The following KPNA3 variants were observed in gnomAD, a reference collection of about 807,000 sequenced individuals.
KPNA3 encodes karyopherin subunit alpha 3.
In KPNA3, 13 loss-of-function variants were observed where a neutral mutation model predicts 73.8. The observed-to-expected ratio is 0.18, with a 90% CI of 0.11 to 0.28. The LOEUF (loss-of-function observed/expected upper bound fraction) is 0.28. Among genes scored for constraint, KPNA3 ranks in the 10% least tolerant of loss-of-function variants. The pLI is 1.00. For missense variants in KPNA3, 360 were observed against 618.1 expected, an observed-to-expected ratio of 0.58 and a Z score of 4.43; for synonymous variants, 186 against 206.9, an observed-to-expected ratio of 0.90 and a Z score of 0.87.
At chr13:49,706,041 A>G (rs1954204609) in intron 14 of KPNA3, 57 bp downstream of exon 14, 1 of 1,442,524 alleles carries the variant, frequency 6.9e-7, no homozygotes, top group Non-Finnish European at 9.6e-7. Context: ...GAAACATAAG[A>G]GAGCAGCATG....
rs149177309 is a variant in KPNA3, at chr13:49,708,115, C to T, written c.1032+1457G>A. Among the ~76,000 whole-genome samples, 765 of 152,060 alleles carry T rather than the reference C, an allele frequency of 5.0e-3. 32 individuals are homozygous for T. In the East Asian group the frequency reaches 0.11, roughly 22 times the overall value. ...GGTTCATGCCATTCTCCTGCCTCAGCCTCCTGAGTAGTTGGGACTACAGGC... is the reference window on the plus strand; with the variant it reads ...GGTTCATGCCATTCTCCTGCCTCAGTCTCCTGAGTAGTTGGGACTACAGGC... On this transcript the variant is annotated intron_variant, in intron 12 of 16. Coordinates refer to ENST00000261667, the MANE Select transcript of KPNA3 (RefSeq NM_002267.4).
At chr13:49,786,500 T>G (rs757407791) in intron 1 of KPNA3, among the ~76,000 whole-genome samples, 7 of 152,170 alleles carry the variant, frequency 4.6e-5, no homozygotes, top group Non-Finnish European at 8.8e-5. Context: ...AAGTTTTTTT[T>G]TGTTTTTGGT....
intron 8 of KPNA3, 108 bp from the exon 9 acceptor site, chr13:49,722,232 C>T (rs1016482005): frequency 3.3e-5 from 27 of 825,402 alleles, no homozygotes; most frequent in Non-Finnish European, 4.9e-5. Context: ...GTTTCCTCAC[C>T]ATTAGTCAAA....
chr13:49,779,655 C>T (rs9535339), intron 1 of KPNA3, among the ~76,000 whole-genome samples: 36,403 of 152,016 alleles, frequency 0.24, 5,208 homozygotes, highest in Non-Finnish European at 0.32. Flanking sequence ...AAAAAACAAA[C>T]GAACAGCCTT....
chr13:49,734,771 A>C (rs1954504020), intron 2 of KPNA3, among the ~76,000 whole-genome samples: 2 of 152,302 alleles, frequency 1.3e-5, no homozygotes, highest in East Asian at 3.9e-4. Flanking sequence ...TGTGTCTATT[A>C]GTTAAAATTT....
intron 1 of KPNA3, among the ~76,000 whole-genome samples, chr13:49,749,307 A>G (rs1452235494): frequency 2.0e-5 from 3 of 152,254 alleles, no homozygotes; most frequent in Non-Finnish European, 4.4e-5. Context: ...TGCTTCGAAT[A>G]TGAACATCTC....
chr13:49,792,544 T>TGCGGCGGCGGCG lies in KPNA3; in HGVS notation c.-50_-39dup, dbSNP rs377544239. ...CTCCGGCGGCGGCTACTCCTGCGGCTGCGGCGGCGGCGGCGGCGAATCTTG... is the reference window on the plus strand; with the variant it reads ...CTCCGGCGGCGGCTACTCCTGCGGCTGCGGCGGCGGCGGCGGCGGCGGCGGCGGCGAATCTTG... On this transcript the variant is annotated 5_prime_UTR_variant, in exon 1 of 17. Transcript: ENST00000261667. 9 of 1,288,890 alleles carry TGCGGCGGCGGCG rather than the reference T, an allele frequency of 7.0e-6. No individual in the cohort carries two copies. Among genetic ancestry groups the TGCGGCGGCGGCG allele is most frequent in the East Asian group, 6.8e-5 (2 of 29,498 alleles). 79.8% of individuals were successfully genotyped at this position (1,288,890 alleles called of 1,614,324 possible). A position where few individuals can be genotyped will look rare whatever the true frequency, so the allele number is the denominator to read the frequency against.
At chr13:49,722,628 A>G (rs1954370299) in intron 7 of KPNA3, 65 bp from the exon 8 acceptor site, 1 of 995,172 alleles carries the variant, frequency 1.0e-6, no homozygotes, top group Non-Finnish European at 1.5e-6. Flanking sequence ...ATTTCAGATC[A>G]AAGAAATTGA....
chr13:49,701,961 A>G, intron 16 of KPNA3, 63 bp from the exon 17 acceptor site: 1 of 1,108,232 alleles, frequency 9.0e-7, no homozygotes, highest in Non-Finnish European at 1.3e-6. Context: ...ATGTAAGTGG[A>G]ATTGACTTTT....
intron 6 of KPNA3, among the ~76,000 whole-genome samples, chr13:49,729,901 T>C (rs929456452): frequency 1.3e-5 from 2 of 152,254 alleles, no homozygotes; most frequent in African/African-American, 4.8e-5. Context: ...ATAGATGAGA[T>C]AGCTGAGGTT....
At chr13:49,781,945 T>G (rs1262770706) in intron 1 of KPNA3, among the ~76,000 whole-genome samples, 1 of 152,210 alleles carries the variant, frequency 6.6e-6, no homozygotes, top group Non-Finnish European at 1.5e-5. Context: ...GAATCAAGCC[T>G]ACGAAAGCAA....
intron 7 of KPNA3, 129 bp downstream of exon 7, chr13:49,725,287 G>C: frequency 2.2e-6 from 1 of 454,676 alleles, no homozygotes; most frequent in Non-Finnish European, 3.9e-6. Flanking sequence ...AAAGATATCG[G>C]TCATCAAAAG....
intron 2 of KPNA3, among the ~76,000 whole-genome samples, chr13:49,741,506 T>G (rs1446011253): frequency 1.3e-5 from 2 of 150,840 alleles, no homozygotes; most frequent in Non-Finnish European, 1.5e-5. Flanking sequence ...CAGGCTGGAG[T>G]GCAGTGGCGT....
chr13:49,712,143 A>G (rs1954265536), intron 10 of KPNA3, among the ~76,000 whole-genome samples: 1 of 152,170 alleles, frequency 6.6e-6, no homozygotes, highest in Non-Finnish European at 1.5e-5. Flanking sequence ...CCACCCTGGC[A>G]GTAACAGTAA....
chr13:49,751,674 C>T (rs1203366450), intron 1 of KPNA3, among the ~76,000 whole-genome samples: 2 of 152,082 alleles, frequency 1.3e-5, no homozygotes, highest in Admixed American at 1.3e-4. Context: ...TTTGGGAGGC[C>T]GAGGCGGGAG....
At chr13:49,786,054 A>AT (rs534459582) in intron 1 of KPNA3, among the ~76,000 whole-genome samples, 229 of 152,284 alleles carry the variant, frequency 1.5e-3, no homozygotes, top group African/African-American at 4.7e-3. Flanking sequence ...TTGCCTTAAC[A>AT]TTTTTTTATT....
chr13:49,730,951 T>TA (rs1283193068), intron 6 of KPNA3, among the ~76,000 whole-genome samples: 1 of 149,294 alleles, frequency 6.7e-6, no homozygotes, highest in African/African-American at 2.5e-5. Context: ...TGATTTTTTT[T>TA]AATATTTTTT....
chr13:49,712,171 CAG>C (rs1369739401), intron 10 of KPNA3, among the ~76,000 whole-genome samples: 1 of 152,162 alleles, frequency 6.6e-6, no homozygotes, highest in Non-Finnish European at 1.5e-5. Flanking sequence ...TACCTAGAAA[CAG>C]GGGTCTCAAA....
chr13:49,715,831 C>T (rs1414966781), intron 10 of KPNA3, among the ~76,000 whole-genome samples: 6 of 152,154 alleles, frequency 3.9e-5, no homozygotes, highest in African/African-American at 9.7e-5. Context: ...TATGAAAACA[C>T]ACAATAGTCA....
Sources: allele counts gnomAD v4.1 joint callset (sites outside exome capture counted in the v4.1 genomes callset), GRCh38; gene constraint gnomAD v4.1.1; transcripts MANE v1.5; gene names NCBI Gene and HGNC (gene_info 2026-07-23, HGNC 2026-07-21).